TSC22D3: variants seen among roughly 807,000 people sequenced by gnomAD.
The protein encoded by TSC22D3 is TSC22 domain family member 3.
Under a neutral mutation model 11.1 loss-of-function variants are expected in TSC22D3, and 4 were observed. The ratio of observed to expected loss-of-function variants is 0.36; its 90% CI spans 0.18 to 0.83. The LOEUF (loss-of-function observed/expected upper bound fraction) is 0.83. TSC22D3 is among the 40% of genes least tolerant of loss of function. The probability of loss-of-function intolerance (pLI) is 0.48; values close to 1 mark genes in which losing one functional copy is unlikely to be tolerated. For synonymous variants in TSC22D3, 77 were observed against 70.3 expected (o/e 1.10, Z -0.48); for missense variants, 118 against 159.4 (o/e 0.74, Z 1.40).
chrX:107,745,218 G>A (rs922600940), intron 1 of TSC22D3, among the ~76,000 whole-genome samples: 4 of 111,798 alleles, frequency 3.6e-5, no homozygotes, highest in African/African-American at 1.3e-4. Context: ...ATTAAGCCTA[G>A]GAGCTGGACA....
chrX:107,718,944 C>T (rs1927195389), intron 1 of TSC22D3, among the ~76,000 whole-genome samples: 1 of 111,294 alleles, frequency 9.0e-6, no homozygotes, highest in Admixed American at 9.5e-5. Context: ...CCTCTTAAAT[C>T]AGGAGCTTAA....
chrX:107,756,838 A>T (rs1457343995), intron 1 of TSC22D3, among the ~76,000 whole-genome samples: 1 of 112,436 alleles, frequency 8.9e-6, no homozygotes, highest in Non-Finnish European at 1.9e-5. Flanking sequence ...CTTTAGCCCC[A>T]GGGGCTGCAT....
intron 1 of TSC22D3, among the ~76,000 whole-genome samples, chrX:107,742,670 G>C (rs758468596): frequency 9.0e-6 from 1 of 111,351 alleles, no homozygotes; most frequent in Non-Finnish European, 1.9e-5. Flanking sequence ...GGACTTGAAG[G>C]CATCCAAGGT....
chrX:107,716,612 G>T (rs1747811626), intron 1 of TSC22D3: 3 of 946,760 alleles, frequency 3.2e-6, no homozygotes, highest in Non-Finnish European at 2.7e-6. Context: ...CACACAGCTC[G>T]CTCAGAGACC....
intron 1 of TSC22D3, chrX:107,716,588 A>C: frequency 2.3e-6 from 2 of 865,705 alleles, no homozygotes; most frequent in Non-Finnish European, 2.9e-6. Flanking sequence ...ACCGCGGGGA[A>C]CAGGGACCGG....
At chrX:107,763,781 A>T (rs1246078253) in intron 1 of TSC22D3, among the ~76,000 whole-genome samples, 2 of 112,515 alleles carry the variant, frequency 1.8e-5, no homozygotes, top group African/African-American at 6.5e-5. Context: ...ACTGGTCCCC[A>T]GGGCTAGCCT....
chrX:107,732,657 G>T (rs1927943005), intron 1 of TSC22D3, among the ~76,000 whole-genome samples: 1 of 111,485 alleles, frequency 9.0e-6, no homozygotes, highest in South Asian at 3.8e-4. Flanking sequence ...GAGAGAGAGA[G>T]ATTTATGGGG....
chrX:107,721,943 C>G (rs1357805111), intron 1 of TSC22D3: 1 of 491,194 alleles, frequency 2.0e-6, no homozygotes, highest in Non-Finnish European at 3.7e-6. Context: ...CTTATCTTCT[C>G]TCTTCCCTTC....
intron 1 of TSC22D3, chrX:107,717,199 G>T: frequency 2.0e-6 from 1 of 498,831 alleles, no homozygotes; most frequent in Non-Finnish European, 2.5e-6. Context: ...CTTAGGCTGG[G>T]ACTGTAAACA....
chrX:107,733,411 T>C (rs1927977886), intron 1 of TSC22D3, among the ~76,000 whole-genome samples: 1 of 111,863 alleles, frequency 8.9e-6, no homozygotes. Flanking sequence ...TAGAGCTCTC[T>C]TCACAAAAAA....
rs770611407 is a variant in TSC22D3, at chrX:107,747,589, A to T, written c.320+27511T>A. On this transcript the variant is annotated intron_variant, in intron 1 of 2. Coordinates refer to ENST00000372383, the MANE Select transcript of TSC22D3 (RefSeq NM_198057.3). ...GACACTGTTTCATTCTGAATAGCAC[A>T]GAGGACTAAAGGCTTTCTTTACTTA... is the stretch of plus-strand genomic sequence containing the variant. 3.5e-5 allele frequency among the ~76,000 whole-genome samples: 4 copies of T among 113,185 alleles called. No individual in the cohort carries two copies. The South Asian group carries it at 1.4e-3, about 41-fold the overall frequency.
At chrX:107,735,148 GT>G (rs778529714) in intron 1 of TSC22D3, among the ~76,000 whole-genome samples, 26 of 106,980 alleles carry the variant, frequency 2.4e-4, no homozygotes, top group South Asian at 4.0e-4. Context: ...AATTGTTGGG[GT>G]TTTTTTTTTC....
At chrX:107,749,756 A>G (rs921468490) in intron 1 of TSC22D3, among the ~76,000 whole-genome samples, 1 of 112,074 alleles carries the variant, frequency 8.9e-6, no homozygotes, top group Admixed American at 9.4e-5. Flanking sequence ...AGTGTTGAGC[A>G]GGAGCCCTTG....
intron 1 of TSC22D3, among the ~76,000 whole-genome samples, chrX:107,765,422 T>A (rs1338932821): frequency 2.7e-5 from 3 of 112,030 alleles, no homozygotes; most frequent in Admixed American, 9.5e-5. Flanking sequence ...TACCCTCAGC[T>A]CCTCAGAGCC....
chrX:107,755,832 C>G, intron 1 of TSC22D3, among the ~76,000 whole-genome samples: 1 of 111,965 alleles, frequency 8.9e-6, no homozygotes, highest in East Asian at 2.8e-4. Flanking sequence ...AGCCCGTGAA[C>G]AATGCCAAGA....
At chrX:107,762,516 C>G (rs1228520210) in intron 1 of TSC22D3, among the ~76,000 whole-genome samples, 1 of 111,926 alleles carries the variant, frequency 8.9e-6, no homozygotes, top group Non-Finnish European at 1.9e-5. Flanking sequence ...GTCCTGACCC[C>G]TTTGCTTTCC....
chrX:107,732,127 C>T (rs368104181), intron 1 of TSC22D3, among the ~76,000 whole-genome samples: 16 of 110,016 alleles, frequency 1.5e-4, no homozygotes, highest in African/African-American at 3.6e-4. Context: ...GAATAGTTCC[C>T]CCAACCCCCA....
intron 1 of TSC22D3, among the ~76,000 whole-genome samples, chrX:107,733,748 A>G (rs1367969786): frequency 8.9e-6 from 1 of 111,989 alleles, no homozygotes; most frequent in Non-Finnish European, 1.9e-5. Context: ...ACAATTTTCT[A>G]CAGAGACTGA....
intron 1 of TSC22D3, among the ~76,000 whole-genome samples, chrX:107,744,390 C>T (rs897732975): frequency 9.0e-6 from 1 of 110,618 alleles, no homozygotes; most frequent in Non-Finnish European, 1.9e-5. Flanking sequence ...TTGAGGCGGG[C>T]GGATTGCTTG....
Sources: gnomAD v4.1 joint callset for allele counts (sites outside exome capture counted in the v4.1 genomes callset) on GRCh38, gnomAD v4.1.1 for gene constraint, MANE v1.5 for transcripts, NCBI Gene and HGNC (gene_info 2026-07-23, HGNC 2026-07-21) for gene names.